The following ZNF385D variants were observed in gnomAD, a reference collection of about 807,000 sequenced individuals.
ZNF385D encodes the protein zinc finger protein 659.
In ZNF385D, 15 loss-of-function variants were observed where a neutral mutation model predicts 35.8. That is an observed-to-expected ratio of 0.42 (90% CI 0.28 to 0.64). The LOEUF (loss-of-function observed/expected upper bound fraction) is 0.64, where lower values mean the gene tolerates loss of function less well. ZNF385D is among the 30% of genes least tolerant of loss of function. The pLI, the probability that ZNF385D is intolerant of heterozygous loss-of-function variation, is 0.23. For missense variants in ZNF385D, 474 were observed against 494.6 expected, an observed-to-expected ratio of 0.96 and a Z score of 0.39; for synonymous variants, 212 against 186.8, an observed-to-expected ratio of 1.13 and a Z score of -1.10.
At position 21,414,033 on chromosome 3, in the gene ZNF385D, C is replaced by A. The variant is rs902684110; in HGVS notation, c.*7181G>T. On this transcript the variant is annotated 3_prime_UTR_variant, in exon 8 of 8. Transcript: ENST00000281523. ...ACATTGGATAACACTAAATTTTCCC[C>A]GACTGACCACTCTTGGTAGTCGATT... The A allele has an allele frequency of 1.3e-5, 2 of 151,908 alleles. No homozygotes were observed. The highest frequency in any genetic ancestry group is 4.8e-5 in the African/African-American group (2 of 41,370). The allele number at this position is 151,908 out of a possible 1,614,324, so 9.4% of individuals were successfully genotyped here.
chr3:22,046,141 C>T (rs1411787015), intron 3 of ZNF385D, among the ~76,000 whole-genome samples: 1 of 152,134 alleles, frequency 6.6e-6, no homozygotes, highest in Non-Finnish European at 1.5e-5. Flanking sequence ...AGCAGGAGAT[C>T]TGCTAAGTGG....
At position 22,111,277 on chromosome 3, in the gene ZNF385D, A is replaced by C. The variant is rs545212936; in HGVS notation, c.325+57540T>G. 2.0e-5 allele frequency among the ~76,000 whole-genome samples: 3 copies of C among 148,724 alleles called. No homozygotes were observed. The East Asian group carries it at 5.9e-4, about 29-fold the overall frequency. On this transcript the variant is annotated intron_variant, in intron 3 of 5. Coordinates refer to the ZNF385D transcript ENST00000494108. ...TACGAGTATTCAAGAAAAGATTAGA[A>C]ACTTCTAGAAGGCAGAAATCTGCCC...
At chr3:22,216,923 G>A (rs974856867) in intron 2 of ZNF385D, among the ~76,000 whole-genome samples, 1 of 152,116 alleles carries the variant, frequency 6.6e-6, no homozygotes, top group African/African-American at 2.4e-5. Context: ...GAAGATGAGT[G>A]AGCCACAAAT....
At chr3:22,039,953 C>G (rs1296542568) in intron 3 of ZNF385D, among the ~76,000 whole-genome samples, 1 of 152,138 alleles carries the variant, frequency 6.6e-6, no homozygotes, top group African/African-American at 2.4e-5. Context: ...ATTACGATAC[C>G]TAGCAGGAGA....
At chr3:21,984,320 T>C (rs1259174473) in intron 3 of ZNF385D, among the ~76,000 whole-genome samples, 1 of 140,246 alleles carries the variant, frequency 7.1e-6, no homozygotes, top group Non-Finnish European at 1.5e-5. Flanking sequence ...AAATCTTTAA[T>C]CCATCTTGAA....
intron 2 of ZNF385D, among the ~76,000 whole-genome samples, chr3:21,587,968 T>C (rs534788586): frequency 6.6e-6 from 1 of 152,260 alleles, no homozygotes; most frequent in African/African-American, 2.4e-5. Context: ...ATTATCTCCT[T>C]TGGATGCCCA....
intron 3 of ZNF385D, among the ~76,000 whole-genome samples, chr3:21,951,174 A>G (rs1166596241): frequency 6.6e-6 from 1 of 151,742 alleles, no homozygotes; most frequent in Non-Finnish European, 1.5e-5. Flanking sequence ...CTTCCTGTCC[A>G]TGAACATGGA....
intron 2 of ZNF385D, among the ~76,000 whole-genome samples, chr3:22,220,256 G>A (rs2728984): frequency 0.56 from 85,120 of 151,640 alleles, 25,605 homozygotes; most frequent in East Asian, 0.72. Flanking sequence ...ATAGAGACAA[G>A]ATCTCACTAT....
At chr3:22,112,297 A>T (rs1264166943) in intron 3 of ZNF385D, among the ~76,000 whole-genome samples, 3 of 152,166 alleles carry the variant, frequency 2.0e-5, no homozygotes, top group African/African-American at 7.2e-5. Flanking sequence ...TGAAAAATTA[A>T]AATAATGAAT....
intron 3 of ZNF385D, among the ~76,000 whole-genome samples, chr3:21,833,903 A>G (rs1695159668): frequency 6.6e-6 from 1 of 152,194 alleles, no homozygotes. Context: ...TATGCATTAG[A>G]ATATGCTAGC....
intron 2 of ZNF385D, among the ~76,000 whole-genome samples, chr3:21,588,904 T>G (rs190094739): frequency 3.9e-5 from 6 of 152,318 alleles, no homozygotes; most frequent in Admixed American, 3.9e-4. Flanking sequence ...AAATGTAATA[T>G]GCTCATACAT....
chr3:21,842,773 C>A (rs1390711207), intron 3 of ZNF385D, among the ~76,000 whole-genome samples: 1 of 151,944 alleles, frequency 6.6e-6, no homozygotes, highest in African/African-American at 2.4e-5. Context: ...TTAATTCTAC[C>A]TTTGATTTGC....
chr3:22,128,456 GTCTC>G (rs1703575035), intron 3 of ZNF385D, among the ~76,000 whole-genome samples: 1 of 151,934 alleles, frequency 6.6e-6, no homozygotes, highest in Admixed American at 6.6e-5. Flanking sequence ...GTTCTCTGTT[GTCTC>G]TCTGAATTAA....
intron 3 of ZNF385D, among the ~76,000 whole-genome samples, chr3:21,960,406 G>C (rs760560373): frequency 5.3e-5 from 8 of 152,000 alleles, no homozygotes; most frequent in Non-Finnish European, 1.0e-4. Context: ...ACCCCAGTTA[G>C]AATGGCTATT....
At chr3:22,150,548 A>G (rs1454611567) in intron 3 of ZNF385D, among the ~76,000 whole-genome samples, 3 of 152,134 alleles carry the variant, frequency 2.0e-5, no homozygotes, top group Admixed American at 6.5e-5. Context: ...ATTTACATAG[A>G]AGGCATACCC....
chr3:21,550,281 A>C (rs2062520966), intron 3 of ZNF385D, among the ~76,000 whole-genome samples: 1 of 152,142 alleles, frequency 6.6e-6, no homozygotes, highest in South Asian at 2.1e-4. Context: ...GTATTAAGAT[A>C]TATTAAGACA....
Position 22,338,134 on chromosome 3 carries a change from A to G in ZNF385D, c.106+34316T>C, listed in dbSNP as rs947688047. 5.9e-5 allele frequency among the ~76,000 whole-genome samples: 9 copies of G among 152,344 alleles called. No individual in the cohort carries two copies. The South Asian group carries it at 1.2e-3, about 21-fold the overall frequency. Reference sequence around the variant, plus strand: ...CTAATAAGTTGAGAAACATGAAAAGAAAGTAGGAGAAAGGTGACTATTAAT... The same window carrying G: ...CTAATAAGTTGAGAAACATGAAAAGGAAGTAGGAGAAAGGTGACTATTAAT... On this transcript the variant is annotated intron_variant, in intron 2 of 5. Transcript: ENST00000494108.
chr3:21,783,702 C>T (rs2071580121), intron 3 of ZNF385D, among the ~76,000 whole-genome samples: 3 of 152,046 alleles, frequency 2.0e-5, no homozygotes, highest in Admixed American at 2.0e-4. Flanking sequence ...ACGAAGAACA[C>T]CGTAACAGAA....
intron 2 of ZNF385D, among the ~76,000 whole-genome samples, chr3:22,255,185 A>T (rs1700251818): frequency 6.6e-6 from 1 of 151,682 alleles, no homozygotes; most frequent in Admixed American, 6.6e-5. Context: ...CTCATAAGAA[A>T]AAAAAAGAAA....
Sources: gnomAD v4.1 joint callset for allele counts (sites outside exome capture counted in the v4.1 genomes callset) on GRCh38, gnomAD v4.1.1 for gene constraint, MANE v1.5 for transcripts, NCBI Gene and HGNC (gene_info 2026-07-23, HGNC 2026-07-21) for gene names.